HSPA14: variants seen among roughly 807,000 people sequenced by gnomAD.
HSPA14 encodes the protein heat shock protein family A (Hsp70) member 14, also known as heat shock 70 kDa protein 14.
HSPA14 carries 37 observed loss-of-function variants against 65.5 expected under a neutral mutation model. That is an observed-to-expected ratio of 0.56 (90% CI 0.43 to 0.74). HSPA14 has a LOEUF of 0.74. Ranked by LOEUF, HSPA14 falls within the 30% of genes least tolerant of loss-of-function variation. The pLI is 0.00. For missense variants in HSPA14, 564 were observed against 607.6 expected (o/e 0.93, Z 0.75); for synonymous variants, 203 against 214.2 (o/e 0.95, Z 0.46).
Position 14,870,740 on chromosome 10 carries a change from T to C in HSPA14, c.1451+73T>C, listed in dbSNP as rs933908661. On this transcript the variant is annotated intron_variant, in intron 13 of 13. Transcript: ENST00000378372. Reference sequence around the variant, plus strand: ...ACCATTTTTTGAGTTTATTGATTTTTTTATTTATTGTCATTCTAGAAGAAA... The same window carrying C: ...ACCATTTTTTGAGTTTATTGATTTTCTTATTTATTGTCATTCTAGAAGAAA... 1.9e-5 allele frequency: 25 copies of C among 1,305,358 alleles called. 1 individual carries two copies. The Middle Eastern group carries it at 2.1e-3, about 109-fold the overall frequency. The allele number at this position is 1,305,358 out of a possible 1,614,324, so 80.9% of individuals were successfully genotyped here. A position where few individuals can be genotyped will look rare whatever the true frequency, so the allele number is the denominator to read the frequency against.
chr10:14,851,515 G>A (rs1409181198), intron 7 of HSPA14, among the ~76,000 whole-genome samples, 192 bp downstream of exon 7: 2 of 152,182 alleles, frequency 1.3e-5, no homozygotes, highest in Non-Finnish European at 1.5e-5. Context: ...GAATGTAATG[G>A]GAGAGAAGGT....
intron 10 of HSPA14, among the ~76,000 whole-genome samples, chr10:14,863,280 G>A (rs1018007506): frequency 2.6e-5 from 4 of 152,088 alleles, no homozygotes; most frequent in African/African-American, 9.7e-5. Flanking sequence ...TATATCGTCT[G>A]AACAAACTGA....
chr10:14,849,288 C>A, intron 5 of HSPA14: 1 of 410,668 alleles, frequency 2.4e-6, no homozygotes, highest in Admixed American at 2.8e-5. Flanking sequence ...GGTATTCTGT[C>A]GAACAATTTG....
At chr10:14,846,996 T>C (rs890300939) in intron 3 of HSPA14, 1 of 985,494 alleles carries the variant, frequency 1.0e-6, no homozygotes, top group African/African-American at 1.7e-5. Context: ...TTCACTTGTA[T>C]GTAGTTGTGG....
intron 5 of HSPA14, chr10:14,849,296 T>C (rs539844641): frequency 2.1e-4 from 86 of 415,658 alleles, no homozygotes; most frequent in African/African-American, 1.7e-3. Context: ...GTCGAACAAT[T>C]TGGGAAATTC....
chr10:14,855,792 C>G, intron 9 of HSPA14, 49 bp from the exon 10 acceptor site: 1 of 964,736 alleles, frequency 1.0e-6, no homozygotes, highest in South Asian at 1.4e-5. Context: ...TTTTATCTTT[C>G]TCTTGTCCCT....
chr10:14,849,427 C>T (rs573559543), intron 5 of HSPA14: 12 of 537,214 alleles, frequency 2.2e-5, no homozygotes, highest in Admixed American at 6.7e-5. Flanking sequence ...CACATGGATG[C>T]GTTAGGAGCT....
In HSPA14 at chr10:14,845,025, T is replaced by C. The variant is rs779618463; in HGVS notation, c.222-3584T>C. On this transcript the variant is annotated intron_variant, in intron 3 of 13. Transcript: ENST00000378372. ...GGAAGAGAACAGCTTTGTTTCCTCTTTAACTTTGGGAACACTAGAGGATGG... is the reference window on the plus strand; with the variant it reads ...GGAAGAGAACAGCTTTGTTTCCTCTCTAACTTTGGGAACACTAGAGGATGG... 274 of 985,462 alleles carry C rather than the reference T, an allele frequency of 2.8e-4. 1 individual carries two copies. In the Admixed American group the frequency reaches 4.2e-3, roughly 15 times the overall value. 61.0% of individuals were successfully genotyped at this position (985,462 alleles called of 1,614,324 possible).
intron 3 of HSPA14, among the ~76,000 whole-genome samples, chr10:14,843,032 G>A (rs1833995028): frequency 6.6e-6 from 1 of 152,178 alleles, no homozygotes; most frequent in African/African-American, 2.4e-5. Context: ...TATGCCCCTG[G>A]CAACATAAGG....
Position 14,842,839 on chromosome 10 carries a change from G to A in HSPA14, c.221+2682G>A, listed in dbSNP as rs1399161244. 10 of 1,529,928 alleles carry A rather than the reference G, an allele frequency of 6.5e-6. No homozygotes were observed. Among genetic ancestry groups the A allele is most frequent in the Admixed American group, 2.0e-5 (1 of 50,272 alleles). 94.8% of individuals were successfully genotyped at this position (1,529,928 alleles called of 1,614,324 possible). A position where few individuals can be genotyped will look rare whatever the true frequency, so the allele number is the denominator to read the frequency against. ...TTGAGGACTCCTGGGATGAATCCTC[G>A]GGTGCAGGTAACTCCCAAGCATGTG... On this transcript the variant is annotated intron_variant, in intron 3 of 13. Transcript: ENST00000378372. This position sits in a 1 kb window ranked among gnomAD's most constrained non-coding sequence, Gnocchi z 5.2.
At chr10:14,866,045 G>T (rs909093916) in intron 10 of HSPA14, among the ~76,000 whole-genome samples, 1 of 152,026 alleles carries the variant, frequency 6.6e-6, no homozygotes, top group Non-Finnish European at 1.5e-5. Context: ...CTTGTAAGTT[G>T]GATTCCTAGG....
Position 14,867,166 on chromosome 10 carries a change from T to C in HSPA14, c.1077T>C (p.Asn359=), listed in dbSNP as rs1167613911. The part of the protein sequence containing the change: ...KDLFPAVELL[N]SIPPDEVIPI... ...TTTTCCCAGCTGTTGAGCTTCTCAATTCTATCCCTCCTGATGAAGTGATCC... is the reference window on the plus strand; with the variant it reads ...TTTTCCCAGCTGTTGAGCTTCTCAACTCTATCCCTCCTGATGAAGTGATCC... The change falls in exon 11 of 14, where the codon AAT becomes AAC. Residue 359 remains asparagine, a synonymous_variant. Transcript: ENST00000378372. The C allele has an allele frequency of 1.6e-5, 26 of 1,613,672 alleles. No homozygotes were observed. The highest frequency in any genetic ancestry group is 2.0e-5 in the Non-Finnish European group (24 of 1,179,754).
intron 10 of HSPA14, among the ~76,000 whole-genome samples, chr10:14,862,202 G>T (rs1588817975): frequency 6.7e-6 from 1 of 149,522 alleles, no homozygotes; most frequent in East Asian, 2.1e-4. Context: ...TAATTTTTTT[G>T]TATTTTTAGT....
intron 3 of HSPA14, chr10:14,843,448 C>T: frequency 6.4e-7 from 1 of 1,550,742 alleles, no homozygotes; most frequent in South Asian, 1.2e-5. Flanking sequence ...TCAGAGCAGC[C>T]CCATGGCCAG....
chr10:14,856,614 C>A (rs1347902891), intron 10 of HSPA14, among the ~76,000 whole-genome samples: 1 of 152,108 alleles, frequency 6.6e-6, no homozygotes, highest in Non-Finnish European at 1.5e-5. Flanking sequence ...GTAATGCCAA[C>A]ACTTTGGGAG....
rs1002383524 is a variant in HSPA14 at position 14,867,910 on chromosome 10, G to T, written c.1380+1G>T. 6.2e-6 allele frequency: 10 copies of T among 1,611,132 alleles called. No homozygotes were observed. Among genetic ancestry groups the T allele is most frequent in the African/African-American group, 1.3e-5 (1 of 74,758 alleles). Reference sequence around the variant, plus strand: ...CAAAGAGGAAACCAAGTTTGCACAGGTGAATACATAAAGTTAGACACATTA... The same window carrying T: ...CAAAGAGGAAACCAAGTTTGCACAGTTGAATACATAAAGTTAGACACATTA... On this transcript the variant is annotated splice_donor_variant, in intron 12 of 13. Coordinates refer to ENST00000378372, the MANE Select transcript of HSPA14 (RefSeq NM_016299.4). LOFTEE classifies it high-confidence loss of function.
At position 14,842,716 on chromosome 10, in the gene HSPA14, T is replaced by C; in HGVS notation, c.221+2559T>C. The C allele has an allele frequency of 6.5e-7, 1 of 1,536,432 alleles. No homozygotes were observed. Among genetic ancestry groups the C allele is most frequent in the Non-Finnish European group, 8.7e-7 (1 of 1,146,982 alleles). On this transcript the variant is annotated intron_variant, in intron 3 of 13. Coordinates refer to ENST00000378372, the MANE Select transcript of HSPA14 (RefSeq NM_016299.4). This position sits in a 1 kb window ranked among gnomAD's most constrained non-coding sequence, Gnocchi z 5.2. ...CCGGCATTCTAAAATCAAAAAGGAC[T>C]CAGGCAGCTGATCATCAGCCTATCT...
chr10:14,839,792 A>G (rs1833947556), intron 1 of HSPA14, 113 bp from the exon 2 acceptor site: 2 of 617,370 alleles, frequency 3.2e-6, no homozygotes, highest in Non-Finnish European at 5.6e-6. Context: ...CAAGTTTAAA[A>G]TATTGAGATA....
chr10:14,862,588 G>A (rs1045295102), intron 10 of HSPA14, among the ~76,000 whole-genome samples: 3 of 143,002 alleles, frequency 2.1e-5, no homozygotes, highest in Non-Finnish European at 4.6e-5. Context: ...TGTTATCCAG[G>A]ATGGTCTCAA....
Sources: gnomAD v4.1 joint callset for allele counts (sites outside exome capture counted in the v4.1 genomes callset) on GRCh38, gnomAD v4.1.1 for gene constraint, Gnocchi (gnomAD v3.1) non-coding constraint, MANE v1.5 for transcripts, NCBI Gene and HGNC (gene_info 2026-07-23, HGNC 2026-07-21) for gene names.